The following CLUL1 variants were observed in gnomAD, a reference collection of about 807,000 sequenced individuals.
The protein encoded by CLUL1 is clusterin-like protein 1.
Under a neutral mutation model 49.4 loss-of-function variants are expected in CLUL1, and 43 were observed. The ratio of observed to expected loss-of-function variants is 0.87; its 90% CI spans 0.68 to 1.12. The LOEUF (loss-of-function observed/expected upper bound fraction) is 1.12. Among genes scored for constraint, CLUL1 ranks in the 50% most tolerant of loss-of-function variants. The pLI, the probability that CLUL1 is intolerant of heterozygous loss-of-function variation, is 0.00. For missense variants in CLUL1, 486 were observed against 544.4 expected (o/e 0.89, Z 1.07); for synonymous variants, 192 against 184.9 (o/e 1.04, Z -0.31).
intron 9 of CLUL1, among the ~76,000 whole-genome samples, chr18:647,029 G>T (rs1215333678): frequency 3.3e-5 from 5 of 151,880 alleles, no homozygotes; most frequent in Non-Finnish European, 1.5e-5. Context: ...GGGATCACAG[G>T]CATGAGCCAC....
At chr18:626,863 A>AGAAAGAAAGAAAG (rs1567966220) in intron 5 of CLUL1, among the ~76,000 whole-genome samples, 2 of 94,016 alleles carry the variant, frequency 2.1e-5, no homozygotes, top group Non-Finnish European at 4.5e-5. Flanking sequence ...TCCATCTCAA[A>AGAAAGAAAGAAAG]TAAGAAAGAA....
At chr18:646,493 GATAGAC>G (rs199727075) in intron 9 of CLUL1, among the ~76,000 whole-genome samples, 1,796 of 104,422 alleles carry the variant, frequency 0.017, 28 homozygotes, top group African/African-American at 0.058. Context: ...AAGACAGATA[GATAGAC>G]ACACACACAC....
chr18:617,458 G>A (rs2073324389), intron 2 of CLUL1, among the ~76,000 whole-genome samples: 1 of 151,980 alleles, frequency 6.6e-6, no homozygotes, highest in Non-Finnish European at 1.5e-5. Flanking sequence ...ACCGGGCTTG[G>A]TGGCGCATGC....
intron 6 of CLUL1, among the ~76,000 whole-genome samples, chr18:628,878 T>A (rs929514894): frequency 1.3e-5 from 2 of 151,906 alleles, no homozygotes; most frequent in Non-Finnish European, 2.9e-5. Flanking sequence ...AGTGATCTGC[T>A]CACCTTGGCT....
chr18:638,539 T>A (rs2074225950), intron 7 of CLUL1, among the ~76,000 whole-genome samples: 1 of 152,184 alleles, frequency 6.6e-6, no homozygotes, highest in Non-Finnish European at 1.5e-5. Context: ...TATTATAAAT[T>A]GCTTTTTATT....
intron 1 of CLUL1, among the ~76,000 whole-genome samples, chr18:601,016 A>G (rs1450569179): frequency 6.6e-6 from 1 of 152,154 alleles, no homozygotes; most frequent in Non-Finnish European, 1.5e-5. Context: ...ACCCTACCCA[A>G]TGGCCTCATC....
At chr18:645,273 C>A (rs1179228484) in intron 9 of CLUL1, 176 bp downstream of exon 9, 1 of 476,258 alleles carries the variant, frequency 2.1e-6, no homozygotes, top group Non-Finnish European at 3.6e-6. Context: ...AAAAAAAAAC[C>A]CAGGAAATCC....
chr18:641,272 C>T (rs2074335991), intron 7 of CLUL1, 55 bp from the exon 8 acceptor site: 12 of 1,495,566 alleles, frequency 8.0e-6, no homozygotes, highest in Non-Finnish European at 1.1e-5. Context: ...CCATGTTGCC[C>T]ACCTCCAAGT....
At chr18:628,900 T>A (rs2073901399) in intron 6 of CLUL1, among the ~76,000 whole-genome samples, 1 of 152,106 alleles carries the variant, frequency 6.6e-6, no homozygotes, top group Non-Finnish European at 1.5e-5. Flanking sequence ...CCCAAAGTGC[T>A]GGAATTACAA....
chr18:607,163 T>C, intron 2 of CLUL1, 64 bp downstream of exon 2: 1 of 696,212 alleles, frequency 1.4e-6, no homozygotes, highest in South Asian at 1.5e-5. Flanking sequence ...AGTCTAGCTC[T>C]GTCACCCAGG....
intron 2 of CLUL1, among the ~76,000 whole-genome samples, chr18:613,592 T>C (rs1398131972): frequency 6.7e-6 from 1 of 148,580 alleles, no homozygotes; most frequent in Non-Finnish European, 1.5e-5. Flanking sequence ...GTAGCCAAGA[T>C]TACAGGCACC....
chr18:640,944 G>T (rs2074326662), intron 7 of CLUL1, among the ~76,000 whole-genome samples: 1 of 151,882 alleles, frequency 6.6e-6, no homozygotes, highest in Non-Finnish European at 1.5e-5. Flanking sequence ...ACTGGTACTG[G>T]ACATATACAT....
chr18:630,655 A>T (rs1390803787), intron 6 of CLUL1, among the ~76,000 whole-genome samples: 2 of 145,282 alleles, frequency 1.4e-5, no homozygotes, highest in African/African-American at 5.2e-5. Flanking sequence ...TCCGCAAAAA[A>T]CTAGCCCTAC....
chr18:643,888 G>T (rs1424864741), intron 8 of CLUL1, among the ~76,000 whole-genome samples: 1 of 152,198 alleles, frequency 6.6e-6, no homozygotes, highest in African/African-American at 2.4e-5. Context: ...AGCTCACACA[G>T]CTAGTAAATG....
intron 8 of CLUL1, among the ~76,000 whole-genome samples, chr18:642,848 C>G (rs1438245827): frequency 6.6e-6 from 1 of 152,216 alleles, no homozygotes; most frequent in Non-Finnish European, 1.5e-5. Context: ...CCTGCAGGAT[C>G]AGGCTGAGGC....
chr18:619,265 G>C lies in CLUL1; in HGVS notation c.159G>C (p.Leu53Phe), dbSNP rs755356704. 1.1e-5 allele frequency: 18 copies of C among 1,614,036 alleles called. No homozygotes were observed. The highest frequency in any genetic ancestry group is 1.5e-5 in the Non-Finnish European group (18 of 1,179,966). Residue 53 changes from leucine (L) to phenylalanine (F), a missense_variant, in exon 4 of 10, where the codon TTG becomes TTC. Transcript: ENST00000692774. ...IDADEEVKKA[L>F]TGIKQMKIMM... is the part of the protein sequence containing the mutation. ...CAGATGAAGAGGTGAAGAAGGCTTT[G>C]ACTGGTATTAAGCAAATGAAAATCA...
At chr18:611,905 C>T (rs1691183226) in intron 2 of CLUL1, among the ~76,000 whole-genome samples, 1 of 152,068 alleles carries the variant, frequency 6.6e-6, no homozygotes, top group African/African-American at 2.4e-5. Flanking sequence ...AGCCAATGGC[C>T]CCCACTACAC....
intron 7 of CLUL1, among the ~76,000 whole-genome samples, chr18:634,846 C>T (rs937763555): frequency 1.3e-5 from 2 of 152,072 alleles, no homozygotes; most frequent in African/African-American, 4.8e-5. Flanking sequence ...TTCCCTTTCC[C>T]TTCTCCAGAC....
chr18:608,957 A>AGGAT (rs1567956097), intron 2 of CLUL1, among the ~76,000 whole-genome samples: 1 of 152,174 alleles, frequency 6.6e-6, no homozygotes. Context: ...TCAGCACACA[A>AGGAT]GGATTCTTTT....
Sources: gnomAD v4.1 joint callset for allele counts (sites outside exome capture counted in the v4.1 genomes callset) on GRCh38, gnomAD v4.1.1 for gene constraint, MANE v1.5 for transcripts, NCBI Gene and HGNC (gene_info 2026-07-23, HGNC 2026-07-21) for gene names.